DCDC1: variants seen among roughly 807,000 people sequenced by gnomAD.
DCDC1 encodes doublecortin domain-containing protein 1.
Under a neutral mutation model 178.3 loss-of-function variants are expected in DCDC1, and 200 were observed. The observed-to-expected ratio is 1.12, with a 90% CI of 1.00 to 1.26. DCDC1 has a LOEUF of 1.26. DCDC1 is among the 50% of genes most tolerant of loss of function. DCDC1 has a pLI of 0.00. For synonymous variants in DCDC1, 690 were observed against 604.8 expected, an observed-to-expected ratio of 1.14 and a Z score of -2.07; for missense variants, 1,983 against 1,749.2, an observed-to-expected ratio of 1.13 and a Z score of -2.38.
At chr11:31,341,812 T>TACAC (rs34730979) in intron 1 of DCDC1, among the ~76,000 whole-genome samples, 7,403 of 144,406 alleles carry the variant, frequency 0.051, 391 homozygotes, top group African/African-American at 0.14. Flanking sequence ...TGCATGACTA[T>TACAC]ACACACACAC....
Position 31,305,619 on chromosome 11 carries a change from A to G in DCDC1, c.750T>C (p.Ile250=), listed in dbSNP as rs1312938795. The change falls in exon 6 of 39, where the codon ATT becomes ATC. Residue 250 remains isoleucine, a synonymous_variant. Transcript: ENST00000684477. ...TATTTTTTAGATCTTTTTTACCTTT[A>G]ATTTTTTTGAATGGATTTAAAAAGG... ...GEPFLNPFKK[I]KDHLLLIKKV... is the part of the protein sequence containing the mutation. The G allele has an allele frequency of 1.9e-6, 3 of 1,613,150 alleles. No homozygotes were observed. The highest frequency in any genetic ancestry group is 2.5e-6 in the Non-Finnish European group (3 of 1,179,554).
chr11:31,264,035 T>C (rs886413131), intron 8 of DCDC1, among the ~76,000 whole-genome samples: 3 of 152,206 alleles, frequency 2.0e-5, no homozygotes, highest in African/African-American at 7.2e-5. Context: ...ATTTCATAAC[T>C]TTTTTCTTGC....
At chr11:30,885,318 A>T (rs1375594498) in intron 36 of DCDC1, among the ~76,000 whole-genome samples, 3 of 151,880 alleles carry the variant, frequency 2.0e-5, no homozygotes, top group Admixed American at 2.0e-4. Flanking sequence ...TCTTTATATG[A>T]CCTCAGAATG....
intron 1 of DCDC1, among the ~76,000 whole-genome samples, chr11:31,367,600 A>G (rs1952026977): frequency 6.6e-6 from 1 of 152,232 alleles, no homozygotes; most frequent in South Asian, 2.1e-4. Context: ...TGGATACAGT[A>G]GCCACTAGTC....
At chr11:31,220,327 A>G (rs2136660360) in intron 9 of DCDC1, among the ~76,000 whole-genome samples, 1 of 152,336 alleles carries the variant, frequency 6.6e-6, no homozygotes, top group African/African-American at 2.4e-5. Flanking sequence ...TGATGAAACT[A>G]TTTTTGATAC....
At chr11:31,219,173 T>TA (rs1012447646) in intron 9 of DCDC1, among the ~76,000 whole-genome samples, 46 of 147,676 alleles carry the variant, frequency 3.1e-4, no homozygotes, top group Admixed American at 1.6e-3. Flanking sequence ...AATTTACAGT[T>TA]AAAAAAAAAA....
At chr11:31,329,085 G>C (rs1949815423) in intron 2 of DCDC1, among the ~76,000 whole-genome samples, 1 of 150,500 alleles carries the variant, frequency 6.6e-6, no homozygotes, top group Non-Finnish European at 1.5e-5. Flanking sequence ...TACTAGGCTA[G>C]CCAATCAAAA....
chr11:31,118,112 T>G (rs1259175190), intron 11 of DCDC1, among the ~76,000 whole-genome samples: 1 of 152,154 alleles, frequency 6.6e-6, no homozygotes, highest in Admixed American at 6.6e-5. Flanking sequence ...TTTATTTTAC[T>G]AGGAGAAATG....
At chr11:31,110,505 A>T (rs1959135794) in intron 11 of DCDC1, 144 bp from the exon 12 acceptor site, 3 of 544,352 alleles carry the variant, frequency 5.5e-6, no homozygotes, top group Non-Finnish European at 3.3e-6. Flanking sequence ...GAATTGTGCA[A>T]AGCAAGGACC....
At chr11:30,971,599 C>CTTTG (rs1413486224) in intron 20 of DCDC1, among the ~76,000 whole-genome samples, 2 of 138,484 alleles carry the variant, frequency 1.4e-5, no homozygotes, top group African/African-American at 5.7e-5. Flanking sequence ...AAAAACAGGC[C>CTTTG]TTTGTTTTTT....
chr11:31,336,688 C>T (rs1227844244), intron 1 of DCDC1, among the ~76,000 whole-genome samples: 57 of 152,156 alleles, frequency 3.7e-4, no homozygotes, highest in Non-Finnish European at 2.9e-5. Flanking sequence ...ATTCCTTGTT[C>T]CTTCTACAAA....
At chr11:31,019,673 T>G (rs1018874211) in intron 20 of DCDC1, among the ~76,000 whole-genome samples, 1 of 152,204 alleles carries the variant, frequency 6.6e-6, no homozygotes, top group African/African-American at 2.4e-5. Context: ...CCATTTAAAT[T>G]CTTCACTGTC....
intron 11 of DCDC1, among the ~76,000 whole-genome samples, chr11:31,127,132 GTTA>G (rs1479237538): frequency 1.3e-5 from 2 of 152,068 alleles, no homozygotes; most frequent in Non-Finnish European, 2.9e-5. Context: ...TTCTCCAAAT[GTTA>G]TTTTTAGAAA....
chr11:30,898,716 G>A (rs535202593), intron 34 of DCDC1, among the ~76,000 whole-genome samples: 41 of 152,274 alleles, frequency 2.7e-4, no homozygotes, highest in Admixed American at 2.4e-3. Flanking sequence ...TTCTTCTTTT[G>A]GTAAGAACTG....
intron 8 of DCDC1, among the ~76,000 whole-genome samples, chr11:31,243,306 T>C (rs1204889488): frequency 6.6e-6 from 1 of 151,826 alleles, no homozygotes; most frequent in African/African-American, 2.4e-5. Context: ...TACACATTCA[T>C]ATATTACTAT....
At position 31,194,180 on chromosome 11, in the gene DCDC1, C is replaced by T. The variant is rs188622555; in HGVS notation, c.1221+47270G>A. 1.1e-3 allele frequency among the ~76,000 whole-genome samples: 161 copies of T among 152,208 alleles called. 1 individual carries two copies. Among genetic ancestry groups the T allele is most frequent in the African/African-American group, 3.6e-3 (149 of 41,562 alleles). ...ATAGTTAAGTTTTTTCAGCATATCA[C>T]AAGCCCTTGCTTCTGATTCAGTGTT... is the stretch of plus-strand genomic sequence containing the variant. On this transcript the variant is annotated intron_variant, in intron 9 of 38. Coordinates refer to ENST00000684477, the MANE Select transcript of DCDC1 (RefSeq NM_001387274.1).
intron 21 of DCDC1, 52 bp downstream of exon 21, chr11:30,952,393 C>T (rs956988872): frequency 6.9e-7 from 1 of 1,459,330 alleles, no homozygotes; most frequent in Non-Finnish European, 9.1e-7. Context: ...GACCACACAA[C>T]TGGGCCTTAA....
intron 1 of DCDC1, among the ~76,000 whole-genome samples, chr11:31,364,982 A>T (rs904352733): frequency 2.6e-5 from 4 of 152,228 alleles, no homozygotes; most frequent in African/African-American, 9.6e-5. Context: ...TCATTCAAGT[A>T]ATCTATTCTA....
intron 3 of DCDC1, among the ~76,000 whole-genome samples, chr11:31,313,718 T>C (rs568758674): frequency 1.3e-5 from 2 of 152,284 alleles, no homozygotes; most frequent in South Asian, 4.2e-4. Context: ...CATTGGCCCA[T>C]ATGTAGTCTC....
Sources: allele counts gnomAD v4.1 joint callset (sites outside exome capture counted in the v4.1 genomes callset), GRCh38; gene constraint gnomAD v4.1.1; transcripts MANE v1.5; gene names NCBI Gene and HGNC (gene_info 2026-07-23, HGNC 2026-07-21).